The following TUSC3 variants were observed in gnomAD, a reference collection of about 807,000 sequenced individuals.
TUSC3 encodes the protein dolichyl-diphosphooligosaccharide--protein glycosyltransferase subunit TUSC3.
A neutral mutation model predicts 44.8 loss-of-function variants in TUSC3; 45 were observed. That is an observed-to-expected ratio of 1.00 (90% CI 0.79 to 1.29). The LOEUF (loss-of-function observed/expected upper bound fraction) is 1.29, where lower values mean the gene tolerates loss of function less well. Among genes scored for constraint, TUSC3 ranks in the 50% most tolerant of loss-of-function variants. The probability of loss-of-function intolerance (pLI) is 0.00; values close to 1 mark genes in which losing one functional copy is unlikely to be tolerated. For missense variants in TUSC3, 519 were observed against 437.9 expected (o/e 1.19, Z -1.65); for synonymous variants, 212 against 152.9 (o/e 1.39, Z -2.85).
At chr8:15,780,745 TTG>T in the TUSC3 span, among the ~76,000 whole-genome samples, 1 of 152,056 alleles carries the variant, frequency 6.6e-6, no homozygotes, top group Admixed American at 6.6e-5. Flanking sequence ...TGGAAGAAGT[TTG>T]TGTGGGCAAT....
chr8:15,645,385 T>C (rs1806577805), intron 2 of TUSC3, among the ~76,000 whole-genome samples: 1 of 152,124 alleles, frequency 6.6e-6, no homozygotes, highest in Non-Finnish European at 1.5e-5. Flanking sequence ...TCCTTGCTTG[T>C]TGTAAGTGCA....
At chr8:15,671,745 C>T (rs1807955045) in intron 5 of TUSC3, among the ~76,000 whole-genome samples, 1 of 152,016 alleles carries the variant, frequency 6.6e-6, no homozygotes, top group Admixed American at 6.6e-5. Context: ...AGTTTTCTGT[C>T]TCATGTTTTT....
chr8:15,482,370 G>A (rs891118069), intron 1 of TUSC3, among the ~76,000 whole-genome samples: 2 of 152,126 alleles, frequency 1.3e-5, no homozygotes, highest in African/African-American at 4.8e-5. Context: ...GGCAGAGAAT[G>A]GTGAGTCTCT....
chr8:15,723,395 G>A (rs1435181039), intron 6 of TUSC3, among the ~76,000 whole-genome samples: 3 of 152,100 alleles, frequency 2.0e-5, no homozygotes, highest in Non-Finnish European at 4.4e-5. Context: ...TTTCTCTGTT[G>A]TAATCATTTT....
intron 1 of TUSC3, among the ~76,000 whole-genome samples, chr8:15,551,476 G>A (rs1258947573): frequency 6.6e-6 from 1 of 151,564 alleles, no homozygotes; most frequent in Non-Finnish European, 1.5e-5. Context: ...GATTCGTGGG[G>A]GGTAACAAAA....
At chr8:15,851,008 A>C in the TUSC3 span, among the ~76,000 whole-genome samples, 50 of 152,298 alleles carry the variant, frequency 3.3e-4, no homozygotes, top group African/African-American at 1.2e-3. Flanking sequence ...TCTTCATTTT[A>C]GTGGGAATGG....
At chr8:15,571,708 G>A (rs1802884385) in intron 1 of TUSC3, among the ~76,000 whole-genome samples, 1 of 152,094 alleles carries the variant, frequency 6.6e-6, no homozygotes, top group South Asian at 2.1e-4. Context: ...CTGTTTGATA[G>A]AATTTTACCC....
intron 1 of TUSC3, among the ~76,000 whole-genome samples, chr8:15,431,580 C>G (rs934228408): frequency 2.7e-5 from 4 of 150,464 alleles, no homozygotes; most frequent in African/African-American, 1.0e-4. Flanking sequence ...TTGGCAAACT[C>G]TTTAGAGGTT....
At chr8:15,610,928 A>G (rs1804735942) in intron 1 of TUSC3, among the ~76,000 whole-genome samples, 1 of 152,156 alleles carries the variant, frequency 6.6e-6, no homozygotes, top group Non-Finnish European at 1.5e-5. Flanking sequence ...AAAGAGTGTT[A>G]CTGGACTTAT....
At chr8:15,741,513 C>G (rs1343693679) in intron 7 of TUSC3, among the ~76,000 whole-genome samples, 1 of 152,030 alleles carries the variant, frequency 6.6e-6, no homozygotes, top group Admixed American at 6.6e-5. Flanking sequence ...TGGCGAAACC[C>G]CAACTCTACT....
intron 9 of TUSC3, among the ~76,000 whole-genome samples, chr8:15,751,365 C>G (rs1811694400): frequency 6.6e-6 from 1 of 152,190 alleles, no homozygotes; most frequent in African/African-American, 2.4e-5. Flanking sequence ...AATGGCTAAT[C>G]TCTTGCTCCA....
intron 6 of TUSC3, among the ~76,000 whole-genome samples, chr8:15,689,874 A>ATATG (rs1038968849): frequency 1.3e-5 from 2 of 149,954 alleles, no homozygotes; most frequent in African/African-American, 2.5e-5. Flanking sequence ...ATAAATATAT[A>ATATG]TATATATGCA....
At chr8:15,525,131 G>A (rs546268658) in intron 2 of TUSC3, among the ~76,000 whole-genome samples, 2 of 152,182 alleles carry the variant, frequency 1.3e-5, no homozygotes, top group Non-Finnish European at 2.9e-5. Flanking sequence ...GAAACAAAGA[G>A]ATTTCACAAC....
intron 1 of TUSC3, among the ~76,000 whole-genome samples, chr8:15,452,437 T>C (rs566760128): frequency 6.6e-6 from 1 of 152,318 alleles, no homozygotes; most frequent in Non-Finnish European, 1.5e-5. Context: ...AATTTACCTT[T>C]TTTCTTCCAG....
chr8:15,502,792 C>T (rs538714188), intron 2 of TUSC3, among the ~76,000 whole-genome samples: 9 of 152,168 alleles, frequency 5.9e-5, no homozygotes, highest in Non-Finnish European at 1.3e-4. Context: ...CAGCAGGTCC[C>T]TTAGATCCCA....
intron 7 of TUSC3, among the ~76,000 whole-genome samples, chr8:15,732,834 T>G (rs529560950): frequency 2.6e-5 from 4 of 152,330 alleles, no homozygotes; most frequent in African/African-American, 9.6e-5. Context: ...ATCTTCTTCC[T>G]GTGTCTGTCT....
chr8:15,730,560 G>C (rs1353516935), intron 6 of TUSC3, 106 bp from the exon 7 acceptor site: 3 of 1,090,720 alleles, frequency 2.8e-6, no homozygotes, highest in Non-Finnish European at 4.0e-6. Context: ...TAAAAAATTA[G>C]TAAAAATCGA....
chr8:15,494,503 G>C (rs1180195285), intron 2 of TUSC3, among the ~76,000 whole-genome samples: 1 of 151,980 alleles, frequency 6.6e-6, no homozygotes, highest in African/African-American at 2.4e-5. Context: ...ATTTTTATTA[G>C]AGACGGGGTT....
intron 2 of TUSC3, among the ~76,000 whole-genome samples, chr8:15,484,343 T>C (rs1216924692): frequency 2.0e-5 from 3 of 152,240 alleles, no homozygotes; most frequent in African/African-American, 7.2e-5. Context: ...CAGAAATGAA[T>C]ATAATATAGT....
Sources: allele counts gnomAD v4.1 joint callset (sites outside exome capture counted in the v4.1 genomes callset), GRCh38; gene constraint gnomAD v4.1.1; transcripts MANE v1.5; gene names NCBI Gene and HGNC (gene_info 2026-07-23, HGNC 2026-07-21).